EBF1: variants seen among roughly 807,000 people sequenced by gnomAD.
EBF1 encodes the protein transcription factor COE1.
A neutral mutation model predicts 68.4 loss-of-function variants in EBF1; 10 were observed. The observed-to-expected ratio is 0.15, with a 90% CI of 0.09 to 0.25. The LOEUF is 0.25. Ranked by LOEUF, EBF1 falls within the 10% of genes least tolerant of loss-of-function variation. The pLI is 1.00. For missense variants in EBF1, 509 were observed against 794.4 expected, an observed-to-expected ratio of 0.64 and a Z score of 4.32; for synonymous variants, 298 against 299.8, an observed-to-expected ratio of 0.99 and a Z score of 0.06.
intron 6 of EBF1, among the ~76,000 whole-genome samples, chr5:158,913,077 A>G (rs1238229657): frequency 2.0e-5 from 3 of 152,204 alleles, no homozygotes; most frequent in African/African-American, 7.2e-5. Context: ...AGGATATAAT[A>G]TACAAAATAT....
chr5:158,955,787 A>G (rs951391618), intron 6 of EBF1, among the ~76,000 whole-genome samples: 4 of 152,188 alleles, frequency 2.6e-5, no homozygotes, highest in Non-Finnish European at 1.5e-5. Context: ...AACTCAGATC[A>G]ACCCTCAAAG....
chr5:158,987,116 A>G (rs1338674239), intron 6 of EBF1: 1 of 152,226 alleles, frequency 6.6e-6, no homozygotes, highest in African/African-American at 2.4e-5. Context: ...GCATTCATTC[A>G]TCTAGTTGGA....
intron 7 of EBF1, among the ~76,000 whole-genome samples, chr5:158,823,578 T>C (rs956022744): frequency 2.1e-4 from 32 of 152,178 alleles, no homozygotes; most frequent in African/African-American, 7.7e-4. Flanking sequence ...TAACCATAAT[T>C]TTAACAAGAG....
At chr5:159,091,142 G>A (rs930176461) in intron 4 of EBF1, among the ~76,000 whole-genome samples, 6 of 152,156 alleles carry the variant, frequency 3.9e-5, no homozygotes, top group Non-Finnish European at 7.3e-5. Context: ...TAATATGTTC[G>A]TTTTTAATGC....
At chr5:158,756,184 T>C (rs1770048407) in intron 10 of EBF1, among the ~76,000 whole-genome samples, 1 of 152,092 alleles carries the variant, frequency 6.6e-6, no homozygotes, top group South Asian at 2.1e-4. Flanking sequence ...TGTTTCCCTC[T>C]GGCCAAATCT....
At chr5:158,927,495 A>T (rs972140406) in intron 6 of EBF1, among the ~76,000 whole-genome samples, 2 of 152,220 alleles carry the variant, frequency 1.3e-5, no homozygotes, top group Admixed American at 6.5e-5. Context: ...CAGCAAGTAC[A>T]CAGCTTATCA....
chr5:159,071,889 T>C (rs1464709198), intron 6 of EBF1, among the ~76,000 whole-genome samples: 2 of 152,216 alleles, frequency 1.3e-5, no homozygotes, highest in African/African-American at 2.4e-5. Context: ...ACACTTTCTT[T>C]TCAACAGAGG....
intron 10 of EBF1, among the ~76,000 whole-genome samples, chr5:158,772,179 T>C (rs1311082180): frequency 6.6e-6 from 1 of 152,132 alleles, no homozygotes; most frequent in Non-Finnish European, 1.5e-5. Context: ...TGACAAAGAA[T>C]TTATGTAAGA....
intron 9 of EBF1, among the ~76,000 whole-genome samples, chr5:158,796,100 G>C (rs1017229493): frequency 2.6e-5 from 4 of 152,046 alleles, no homozygotes; most frequent in African/African-American, 9.7e-5. Flanking sequence ...AGCCCAAGAA[G>C]ACAAACTGCA....
intron 6 of EBF1, among the ~76,000 whole-genome samples, chr5:158,907,641 A>G (rs1413880188): frequency 6.6e-6 from 1 of 152,166 alleles, no homozygotes; most frequent in African/African-American, 2.4e-5. Flanking sequence ...TATCAGTTTC[A>G]TTTGTTATTT....
In EBF1 at chr5:158,793,155, C is replaced by T. The variant is rs140118696; in HGVS notation, c.909+3190G>A. The stretch of plus-strand genomic sequence containing the variant: ...TTCCTCATCAGTAAAATGAGAACAA[C>T]ATCATACGCAGTGGTGAGAATCCCA... On this transcript the variant is annotated intron_variant, in intron 9 of 15. Transcript: ENST00000313708. Among the ~76,000 whole-genome samples, 43 of 152,318 alleles carry T rather than the reference C, an allele frequency of 2.8e-4. No homozygotes were observed. In the East Asian group the frequency reaches 8.1e-3, roughly 29 times the overall value.
intron 6 of EBF1, among the ~76,000 whole-genome samples, chr5:158,950,439 C>A (rs1255329864): frequency 6.6e-6 from 1 of 152,210 alleles, no homozygotes; most frequent in East Asian, 1.9e-4. Context: ...CCATTGACTA[C>A]TGCTAGAGTC....
chr5:159,096,508 C>A, intron 2 of EBF1, 102 bp from the exon 3 acceptor site: 3 of 1,356,892 alleles, frequency 2.2e-6, no homozygotes, highest in South Asian at 1.3e-5. Flanking sequence ...CCGGGACCCC[C>A]GCTGGCGAGC....
At position 158,950,574 on chromosome 5, in the gene EBF1, G is replaced by A. The variant is rs1008902631; in HGVS notation, c.555-110464C>T. On this transcript the variant is annotated intron_variant, in intron 6 of 15. Transcript: ENST00000313708. ...AAAAAAGAAATACAAGAAGTCTTAC[G>A]AGTAAAATTGGCCCCGTTCTGAGGA... Among the ~76,000 whole-genome samples the A allele has an allele frequency of 3.3e-5, 5 of 152,170 alleles. 1 individual carries two copies. The highest frequency in any genetic ancestry group is 1.9e-4 in the East Asian group (1 of 5,196).
intron 10 of EBF1, among the ~76,000 whole-genome samples, chr5:158,745,167 G>C (rs1207504132): frequency 1.3e-5 from 2 of 152,086 alleles, no homozygotes; most frequent in Admixed American, 6.6e-5. Context: ...ACTTGTTTTG[G>C]AGTAACAGTT....
At chr5:159,045,444 A>AG (rs1772181453) in intron 6 of EBF1, among the ~76,000 whole-genome samples, 3 of 152,238 alleles carry the variant, frequency 2.0e-5, no homozygotes, top group Admixed American at 6.5e-5. Flanking sequence ...GAAGAAAAAA[A>AG]AAAGAATCCT....
At chr5:158,896,527 C>A (rs540833939) in intron 6 of EBF1, among the ~76,000 whole-genome samples, 16 of 152,314 alleles carry the variant, frequency 1.1e-4, no homozygotes, top group African/African-American at 2.9e-4. Context: ...TTACCCACAA[C>A]TTCCTGATGA....
At chr5:158,733,035 A>G (rs764640619) in intron 10 of EBF1, among the ~76,000 whole-genome samples, 1 of 152,168 alleles carries the variant, frequency 6.6e-6, no homozygotes, top group East Asian at 1.9e-4. Flanking sequence ...AACCCTTGAG[A>G]AGAATTCTTT....
intron 6 of EBF1, among the ~76,000 whole-genome samples, chr5:159,068,477 AT>A (rs1394204509): frequency 5.9e-5 from 9 of 152,118 alleles, no homozygotes; most frequent in African/African-American, 2.2e-4. Flanking sequence ...ATATGGGCAT[AT>A]ATGTTATATA....
Sources: gnomAD v4.1 joint callset for allele counts (sites outside exome capture counted in the v4.1 genomes callset) on GRCh38, gnomAD v4.1.1 for gene constraint, MANE v1.5 for transcripts, NCBI Gene and HGNC (gene_info 2026-07-23, HGNC 2026-07-21) for gene names.